DPP6: variants seen among roughly 807,000 people sequenced by gnomAD.
DPP6 encodes dipeptidyl peptidase like 6, also known as A-type potassium channel modulatory protein DPP6.
Under a neutral mutation model 122.6 loss-of-function variants are expected in DPP6, and 69 were observed. The observed-to-expected ratio is 0.56, with a 90% CI of 0.46 to 0.69. The LOEUF (loss-of-function observed/expected upper bound fraction) is 0.69, where lower values mean the gene tolerates loss of function less well. DPP6 is among the 30% of genes least tolerant of loss of function. The pLI, the probability that DPP6 is intolerant of heterozygous loss-of-function variation, is 0.00. For synonymous variants in DPP6, 418 were observed against 433.1 expected (o/e 0.97, Z 0.43); for missense variants, 928 against 1,116.9 (o/e 0.83, Z 2.41).
intron 1 of DPP6, among the ~76,000 whole-genome samples, chr7:154,054,965 C>T (rs1370479749): frequency 6.6e-6 from 1 of 151,860 alleles, no homozygotes; most frequent in South Asian, 2.1e-4. Context: ...TTTATTGTGA[C>T]ATGTGTCTAG....
rs564670674 is a variant in DPP6, at chr7:154,875,433, G to T, written c.1884-473G>T. Among the ~76,000 whole-genome samples the T allele has an allele frequency of 6.6e-6, 1 of 152,174 alleles. No individual in the cohort carries two copies. The highest frequency in any genetic ancestry group is 2.4e-5 in the African/African-American group (1 of 41,436). The stretch of plus-strand genomic sequence containing the variant: ...ATATGGCGGGTTTGCTGTTACTTCC[G>T]ACTTAACAAGAGACAGACCACGTCT... On this transcript the variant is annotated intron_variant, in intron 19 of 25. Coordinates refer to ENST00000377770, the MANE Select transcript of DPP6 (RefSeq NM_130797.4). The surrounding 1 kb of genome is among the most constrained non-coding windows in gnomAD (Gnocchi z 4.5).
intron 3 of DPP6, among the ~76,000 whole-genome samples, chr7:154,488,525 G>A (rs1460123911): frequency 6.6e-6 from 1 of 151,458 alleles, no homozygotes; most frequent in Non-Finnish European, 1.5e-5. Flanking sequence ...TGCTTTAACT[G>A]GGACTCTCTA....
intron 1 of DPP6, among the ~76,000 whole-genome samples, chr7:154,060,313 G>A (rs149879155): frequency 0.23 from 28,069 of 123,514 alleles, 3,117 homozygotes; most frequent in East Asian, 0.33. Context: ...CTGGCTCTTA[G>A]GACCCCCATC....
At chr7:154,064,608 A>T (rs768437075) in intron 1 of DPP6, among the ~76,000 whole-genome samples, 4 of 151,890 alleles carry the variant, frequency 2.6e-5, no homozygotes, top group African/African-American at 9.7e-5. Context: ...TGCTGACATG[A>T]TGTTCCCAAA....
At chr7:154,236,737 C>A (rs763078030) in intron 1 of DPP6, among the ~76,000 whole-genome samples, 1 of 152,106 alleles carries the variant, frequency 6.6e-6, no homozygotes, top group Non-Finnish European at 1.5e-5. Flanking sequence ...TCCCTGACGT[C>A]GGTATTGCTG....
At chr7:153,849,848 C>G in the DPP6 span, among the ~76,000 whole-genome samples, 1 of 152,102 alleles carries the variant, frequency 6.6e-6, no homozygotes, top group South Asian at 2.1e-4. Context: ...TCTTTACAAA[C>G]ATTTTCATTC....
chr7:154,679,173 C>T (rs1192979625), intron 7 of DPP6, among the ~76,000 whole-genome samples: 1 of 152,040 alleles, frequency 6.6e-6, no homozygotes, highest in Non-Finnish European at 1.5e-5. Flanking sequence ...CCACAGTGTA[C>T]CTGTGTGGAC....
At chr7:154,775,756 C>T (rs1796520354) in intron 10 of DPP6, among the ~76,000 whole-genome samples, 1 of 152,128 alleles carries the variant, frequency 6.6e-6, no homozygotes, top group Non-Finnish European at 1.5e-5. Flanking sequence ...GGAGAAGGGC[C>T]CAGTGATCCC....
chr7:154,609,908 C>T (rs550643090), intron 5 of DPP6, among the ~76,000 whole-genome samples: 2 of 152,296 alleles, frequency 1.3e-5, no homozygotes, highest in East Asian at 1.9e-4. Context: ...CAGAAATGAT[C>T]GCTGCTTTTT....
At chr7:154,279,870 A>C (rs990511184) in intron 1 of DPP6, among the ~76,000 whole-genome samples, 22 of 152,230 alleles carry the variant, frequency 1.4e-4, no homozygotes, top group African/African-American at 5.1e-4. Flanking sequence ...GACCCTTCTC[A>C]GAAAAATTCC....
chr7:154,645,104 C>T (rs1488844524), intron 6 of DPP6, among the ~76,000 whole-genome samples: 1 of 149,202 alleles, frequency 6.7e-6, no homozygotes, highest in Non-Finnish European at 1.5e-5. Context: ...GCTCTGTCGC[C>T]CAGGCTGGAG....
chr7:154,355,366 G>A (rs1339023647), intron 1 of DPP6, among the ~76,000 whole-genome samples: 1 of 152,030 alleles, frequency 6.6e-6, no homozygotes, highest in Non-Finnish European at 1.5e-5. Context: ...GTCTTTTGAT[G>A]AACAGAATTT....
At chr7:154,463,201 T>C (rs199801267) in intron 2 of DPP6, among the ~76,000 whole-genome samples, 16 of 77,184 alleles carry the variant, frequency 2.1e-4, no homozygotes, top group East Asian at 1.7e-3. Context: ...TTTTCTTTTT[T>C]TTTTTTTTTT....
chr7:154,681,875 T>C (rs1263591334), intron 7 of DPP6, among the ~76,000 whole-genome samples: 2 of 152,222 alleles, frequency 1.3e-5, no homozygotes, highest in East Asian at 3.8e-4. Flanking sequence ...TATTCAACTA[T>C]TTTGCTTTTG....
At chr7:154,228,454 T>C (rs1357424462) in intron 1 of DPP6, among the ~76,000 whole-genome samples, 1 of 152,202 alleles carries the variant, frequency 6.6e-6, no homozygotes, top group Non-Finnish European at 1.5e-5. Flanking sequence ...TTGTTTCAAA[T>C]AGGTCATTAT....
At chr7:153,941,077 G>A (rs952068903) in intron 1 of DPP6, among the ~76,000 whole-genome samples, 18 of 152,314 alleles carry the variant, frequency 1.2e-4, no homozygotes, top group Admixed American at 1.2e-3. Context: ...AATGTTTAAA[G>A]TGAGGCGTTG....
upstream of DPP6, among the ~76,000 whole-genome samples, chr7:153,885,120 A>G (rs565729370): frequency 1.6e-5 from 2 of 122,714 alleles, no homozygotes; most frequent in African/African-American, 3.2e-5. Context: ...TTGGTGGGAA[A>G]GAGAGGGAGG....
intron 1 of DPP6, among the ~76,000 whole-genome samples, chr7:154,155,101 C>G (rs1796615694): frequency 6.6e-6 from 1 of 151,992 alleles, no homozygotes; most frequent in South Asian, 2.1e-4. Context: ...GGTCGCAATA[C>G]CATTCTCATT....
the DPP6 span, among the ~76,000 whole-genome samples, chr7:153,834,482 G>A: frequency 9.9e-5 from 15 of 152,072 alleles, no homozygotes; most frequent in Middle Eastern, 6.8e-3. Context: ...ATGAGGATAA[G>A]AACCTCCACT....
Sources: gnomAD v4.1 joint callset for allele counts (sites outside exome capture counted in the v4.1 genomes callset) on GRCh38, gnomAD v4.1.1 for gene constraint, Gnocchi (gnomAD v3.1) non-coding constraint, MANE v1.5 for transcripts, NCBI Gene and HGNC (gene_info 2026-07-23, HGNC 2026-07-21) for gene names.